DLC1: variants seen among roughly 807,000 people sequenced by gnomAD.
DLC1 encodes rho GTPase-activating protein 7.
A neutral mutation model predicts 140.3 loss-of-function variants in DLC1; 54 were observed. The ratio of observed to expected loss-of-function variants is 0.38; its 90% CI spans 0.31 to 0.48. The LOEUF (loss-of-function observed/expected upper bound fraction) is 0.48, where lower values mean the gene tolerates loss of function less well. Ranked by LOEUF, DLC1 falls within the 20% of genes least tolerant of loss-of-function variation. DLC1 has a pLI of 0.96. For missense variants in DLC1, 2,536 were observed against 1,907.0 expected (o/e 1.33, Z -6.14); for synonymous variants, 986 against 728.1 (o/e 1.35, Z -5.70).
intron 4 of DLC1, among the ~76,000 whole-genome samples, chr8:13,367,678 A>G (rs944458764): frequency 6.6e-6 from 1 of 152,166 alleles, no homozygotes; most frequent in African/African-American, 2.4e-5. Context: ...GTTTAGTGAA[A>G]TACTCTGTAG....
At chr8:13,177,224 C>T (rs1411777654) in intron 5 of DLC1, among the ~76,000 whole-genome samples, 1 of 152,056 alleles carries the variant, frequency 6.6e-6, no homozygotes, top group Non-Finnish European at 1.5e-5. Flanking sequence ...GTTTTAGGAA[C>T]AATTTTTGGG....
chr8:13,577,053 C>G (rs1804865713), intron 1 of DLC1, among the ~76,000 whole-genome samples: 1 of 152,168 alleles, frequency 6.6e-6, no homozygotes, highest in Non-Finnish European at 1.5e-5. Context: ...GGGGCCTTCA[C>G]AGGTGGGACG....
At chr8:13,304,053 G>C (rs1299211784) in intron 5 of DLC1, among the ~76,000 whole-genome samples, 2 of 152,046 alleles carry the variant, frequency 1.3e-5, no homozygotes, top group African/African-American at 2.4e-5. Context: ...TGACAACTTT[G>C]TTCTGTTATA....
chr8:13,434,819 C>T (rs995036275), intron 2 of DLC1, among the ~76,000 whole-genome samples: 23 of 152,232 alleles, frequency 1.5e-4, no homozygotes, highest in African/African-American at 5.5e-4. Context: ...GCTGGGACTA[C>T]AGGCCCTGCT....
chr8:13,162,728 C>T (rs1383945800), intron 5 of DLC1, among the ~76,000 whole-genome samples: 2 of 152,202 alleles, frequency 1.3e-5, no homozygotes, highest in Admixed American at 1.3e-4. Flanking sequence ...TCACTTGAGG[C>T]CGGGAGTTGG....
Position 13,350,075 on chromosome 8 carries a change from T to C in DLC1, c.1314+43478A>G, listed in dbSNP as rs184206359. Among the ~76,000 whole-genome samples, 793 of 152,274 alleles carry C rather than the reference T, an allele frequency of 5.2e-3. 6 individuals carry two copies. The highest frequency in any genetic ancestry group is 0.01 in the Middle Eastern group (3 of 294). On this transcript the variant is annotated intron_variant, in intron 4 of 17. Coordinates refer to ENST00000276297, the MANE Select transcript of DLC1 (RefSeq NM_182643.3). The stretch of plus-strand genomic sequence containing the variant: ...TGAGTCTGAAGAATTTTAGTGACAT[T>C]AAGATGATCCTGGCCAGATCAAATG...
chr8:13,529,436 C>CTAAT (rs1803026761), intron 1 of DLC1, among the ~76,000 whole-genome samples: 1 of 152,128 alleles, frequency 6.6e-6, no homozygotes, highest in Non-Finnish European at 1.5e-5. Flanking sequence ...AGGTCTAACT[C>CTAAT]TAATGTCTGC....
intron 2 of DLC1, among the ~76,000 whole-genome samples, chr8:13,408,849 G>A (rs1837672166): frequency 6.6e-6 from 1 of 151,954 alleles, no homozygotes; most frequent in Admixed American, 6.6e-5. Context: ...AGGTCTTAAA[G>A]CAGACAAGAC....
At chr8:13,403,087 A>C (rs986794192) in intron 2 of DLC1, among the ~76,000 whole-genome samples, 1 of 152,226 alleles carries the variant, frequency 6.6e-6, no homozygotes, top group Non-Finnish European at 1.5e-5. Context: ...TGTTTTCACA[A>C]AGACAGATTA....
At chr8:13,086,102 A>G in intron 17 of DLC1, 171 bp from the exon 18 acceptor site, 1 of 1,347,654 alleles carries the variant, frequency 7.4e-7, no homozygotes, top group Non-Finnish European at 9.8e-7. Context: ...ACATTTTCTA[A>G]GGGAACCAAA....
At chr8:13,123,820 T>C (rs575038382) in intron 5 of DLC1, among the ~76,000 whole-genome samples, 2 of 152,194 alleles carry the variant, frequency 1.3e-5, no homozygotes. Context: ...TCAATAAATA[T>C]TACATAAAGA....
At chr8:13,476,955 C>T (rs1303206655) in intron 2 of DLC1, among the ~76,000 whole-genome samples, 3 of 152,086 alleles carry the variant, frequency 2.0e-5, no homozygotes, top group African/African-American at 7.2e-5. Flanking sequence ...TTTCTGGGTA[C>T]ATAGCAAGGG....
chr8:13,219,400 C>CTTATATAATTCATATAA (rs1267286924), intron 5 of DLC1, among the ~76,000 whole-genome samples: 2,984 of 144,754 alleles, frequency 0.021, 46 homozygotes, highest in African/African-American at 0.042. Flanking sequence ...TATAATTATA[C>CTTATATAATTCATATAA]TTATATAATT....
At chr8:13,550,076 A>G (rs953704089) in intron 1 of DLC1, among the ~76,000 whole-genome samples, 1 of 152,136 alleles carries the variant, frequency 6.6e-6, no homozygotes, top group Admixed American at 6.6e-5. Flanking sequence ...ACAATAGGCT[A>G]GAGAGACATT....
At chr8:13,565,444 C>T (rs1043518499) in intron 1 of DLC1, among the ~76,000 whole-genome samples, 1 of 152,090 alleles carries the variant, frequency 6.6e-6, no homozygotes, top group Non-Finnish European at 1.5e-5. Flanking sequence ...ATATTGAGCC[C>T]TATTGGAAAT....
intron 3 of DLC1, among the ~76,000 whole-genome samples, chr8:13,400,312 A>G (rs1837237865): frequency 6.6e-6 from 1 of 152,072 alleles, no homozygotes; most frequent in Non-Finnish European, 1.5e-5. Flanking sequence ...ACATTTTTTC[A>G]TTTATGCCTC....
At chr8:13,466,564 A>T (rs1799950198) in intron 2 of DLC1, among the ~76,000 whole-genome samples, 1 of 152,210 alleles carries the variant, frequency 6.6e-6, no homozygotes, top group South Asian at 2.1e-4. Context: ...ATACTTAGAT[A>T]CTAGGCCGTC....
In DLC1 at chr8:13,414,964, C is replaced by T. The variant is rs534262463; in HGVS notation, c.1024-13345G>A. On this transcript the variant is annotated intron_variant, in intron 2 of 17. Coordinates refer to ENST00000276297, the MANE Select transcript of DLC1 (RefSeq NM_182643.3). ...TAGCTGGGATTACAGGCGTGCGCCA[C>T]CATGCCTGGCTAATTTTTTTGTTAT... Among the ~76,000 whole-genome samples the T allele has an allele frequency of 3.3e-5, 5 of 152,140 alleles. No homozygotes were observed. The East Asian group carries it at 9.7e-4, about 30-fold the overall frequency.
chr8:13,583,148 A>G (rs1040072814), intron 1 of DLC1, among the ~76,000 whole-genome samples: 2 of 151,982 alleles, frequency 1.3e-5, no homozygotes, highest in Non-Finnish European at 2.9e-5. Flanking sequence ...TGCTGCATCA[A>G]TAGTTGATTC....
Sources: allele counts gnomAD v4.1 joint callset (sites outside exome capture counted in the v4.1 genomes callset), GRCh38; gene constraint gnomAD v4.1.1; transcripts MANE v1.5; gene names NCBI Gene and HGNC (gene_info 2026-07-23, HGNC 2026-07-21).